GRIA2: variants seen among roughly 807,000 people sequenced by gnomAD.
GRIA2 encodes the protein glutamate receptor 2.
GRIA2 carries 14 observed loss-of-function variants against 97.3 expected under a neutral mutation model. That is an observed-to-expected ratio of 0.14 (90% confidence interval 0.10 to 0.23). The LOEUF (loss-of-function observed/expected upper bound fraction) is 0.23. Among genes scored for constraint, GRIA2 ranks in the 10% least tolerant of loss-of-function variants. The pLI is 1.00. For synonymous variants in GRIA2, 412 were observed against 387.8 expected (o/e 1.06, Z -0.73); for missense variants, 558 against 1,069.8 (o/e 0.52, Z 6.67).
chr4:157,286,047 T>A (rs1276682756), intron 2 of GRIA2, among the ~76,000 whole-genome samples: 1 of 151,534 alleles, frequency 6.6e-6, no homozygotes, highest in East Asian at 1.9e-4. Flanking sequence ...CAAGAATAGC[T>A]AAGCTATATT....
At chr4:157,360,362 A>T (rs1736579618) in intron 13 of GRIA2, among the ~76,000 whole-genome samples, 2 of 152,014 alleles carry the variant, frequency 1.3e-5, no homozygotes, top group African/African-American at 4.8e-5. Flanking sequence ...GTTTTAAAAC[A>T]TATCCTTTTT....
intron 6 of GRIA2, among the ~76,000 whole-genome samples, 172 bp downstream of exon 6, chr4:157,321,771 G>A (rs1324531130): frequency 6.6e-6 from 1 of 152,090 alleles, no homozygotes; most frequent in East Asian, 1.9e-4. Flanking sequence ...TTTAAGTAAA[G>A]CTATTAGAGC....
Position 157,336,567 on chromosome 4 carries a change from T to C in GRIA2, c.1664T>C (p.Ile555Thr). The C allele has an allele frequency of 1.9e-6, 3 of 1,612,976 alleles. No homozygotes were observed. Among genetic ancestry groups the C allele is most frequent in the Non-Finnish European group, 2.5e-6 (3 of 1,179,148 alleles). ...EIWMCIVFAY[I>T]GVSVVLFLVS... ...TGGATGTGCATTGTTTTTGCCTACA[T>C]TGGGGTCAGTGTAGTTTTATTCCTG... Residue 555 changes from isoleucine to threonine, a missense_variant, in exon 11 of 16, where the codon ATT becomes ACT. Around this residue, in one of 8 missense-constraint regions of GRIA2, gnomAD observed 125 missense variants for 310.2 expected, o/e 0.40. Coordinates refer to ENST00000264426, the MANE Select transcript of GRIA2 (RefSeq NM_001083619.3).
chr4:157,363,608 A>T lies in GRIA2; in HGVS notation c.*177A>T. ...TGACTGATCTCTCGTGATTGATAAGAACCTTTTGAGTGCCTTACACAATGG... is the reference window on the plus strand; with the variant it reads ...TGACTGATCTCTCGTGATTGATAAGTACCTTTTGAGTGCCTTACACAATGG... On this transcript the variant is annotated 3_prime_UTR_variant, in exon 16 of 16. Coordinates refer to ENST00000264426, the MANE Select transcript of GRIA2 (RefSeq NM_001083619.3). 1 of 1,229,666 alleles carries T rather than the reference A, an allele frequency of 8.1e-7. No individual in the cohort carries two copies. The allele number at this position is 1,229,666 out of a possible 1,614,324, so 76.2% of individuals were successfully genotyped here.
chr4:157,318,363 G>A (rs1212651569), intron 5 of GRIA2, among the ~76,000 whole-genome samples: 1 of 152,010 alleles, frequency 6.6e-6, no homozygotes, highest in African/African-American at 2.4e-5. Flanking sequence ...CTAGAATATT[G>A]AGATATTATG....
chr4:157,352,496 T>A (rs192866322), intron 12 of GRIA2, among the ~76,000 whole-genome samples: 1 of 151,836 alleles, frequency 6.6e-6, no homozygotes, highest in African/African-American at 2.4e-5. Context: ...GGCAGGTGGA[T>A]CACGAGGTCA....
At chr4:157,267,391 CAA>C (rs772189197) in intron 2 of GRIA2, among the ~76,000 whole-genome samples, 725 of 51,752 alleles carry the variant, frequency 0.014, 5 homozygotes, top group African/African-American at 0.045. Context: ...GACTCCATCT[CAA>C]AAAAAAAAAA....
chr4:157,242,911 C>T (rs1366275512), intron 2 of GRIA2, among the ~76,000 whole-genome samples: 1 of 152,082 alleles, frequency 6.6e-6, no homozygotes, highest in Non-Finnish European at 1.5e-5. Flanking sequence ...CTCAGTAAAG[C>T]ACATCACAGC....
intron 4 of GRIA2, among the ~76,000 whole-genome samples, chr4:157,315,575 G>A (rs571876992): frequency 1.3e-4 from 19 of 151,702 alleles, no homozygotes; most frequent in African/African-American, 2.4e-4. Flanking sequence ...ACAGATTCTC[G>A]CTCTGTCGCC....
chr4:157,292,983 CG>C (rs1478721334), intron 2 of GRIA2, among the ~76,000 whole-genome samples: 1 of 151,924 alleles, frequency 6.6e-6, no homozygotes, highest in Non-Finnish European at 1.5e-5. Flanking sequence ...AGTACAAAAA[CG>C]TAAGTTGCCA....
At position 157,226,134 on chromosome 4, in the gene GRIA2, A is replaced by T. The variant is rs371310711; in HGVS notation, c.229+4327A>T. ...ATAGTTATTAGTCTAGTTAAAGATG[A>T]TTTAATAGTTTTATATTTCAATTCC... On this transcript the variant is annotated intron_variant, in intron 2 of 15. Transcript: ENST00000264426. Among the ~76,000 whole-genome samples, 147 of 152,146 alleles carry T rather than the reference A, an allele frequency of 9.7e-4. 7 individuals carry two copies. In the East Asian group the frequency reaches 0.02, roughly 20 times the overall value.
chr4:157,272,939 T>G (rs1294631644), intron 2 of GRIA2, among the ~76,000 whole-genome samples: 1 of 151,974 alleles, frequency 6.6e-6, no homozygotes, highest in African/African-American at 2.4e-5. Flanking sequence ...TTTCCCCACA[T>G]CTTACCACCA....
Position 157,332,953 on chromosome 4 carries a change from A to T in GRIA2, c.1017A>T (p.Gly339=). 6.2e-7 allele frequency: 1 copy of T among 1,611,406 alleles called. No individual in the cohort carries two copies. Among genetic ancestry groups the T allele is most frequent in the Non-Finnish European group, 8.5e-7 (1 of 1,178,616 alleles). Residue 339 remains glycine (G), a synonymous_variant, in exon 7 of 16, where the codon GGA becomes GGT. Transcript: ENST00000264426. Reference sequence around the variant, plus strand: ...TGGCAAACCCAGCAGTGCCCTGGGGACAAGGTGTAGAAATAGAAAGGGCCC... The same window carrying T: ...TGGCAAACCCAGCAGTGCCCTGGGGTCAAGGTGTAGAAATAGAAAGGGCCC... ...DCLANPAVPW[G]QGVEIERALK... is the part of the protein sequence containing the mutation.
At chr4:157,325,089 G>C (rs1734746599) in intron 6 of GRIA2, among the ~76,000 whole-genome samples, 1 of 152,058 alleles carries the variant, frequency 6.6e-6, no homozygotes. Flanking sequence ...TCCATAGTTA[G>C]GGTTTAGGAA....
chr4:157,242,370 C>A (rs182482320), intron 2 of GRIA2, among the ~76,000 whole-genome samples: 2 of 152,032 alleles, frequency 1.3e-5, no homozygotes, highest in Non-Finnish European at 2.9e-5. Flanking sequence ...TTAGCTGTTA[C>A]CTTGTTGATA....
chr4:157,362,565 G>A (rs1246699984), intron 14 of GRIA2: 4 of 604,096 alleles, frequency 6.6e-6, no homozygotes, highest in East Asian at 3.3e-5. Flanking sequence ...ATAAATAGAA[G>A]TTTATTCCCT....
intron 6 of GRIA2, among the ~76,000 whole-genome samples, chr4:157,330,223 C>G (rs1579368987): frequency 6.6e-6 from 1 of 151,900 alleles, no homozygotes; most frequent in Non-Finnish European, 1.5e-5. Context: ...GGCAACAGAA[C>G]AGTAAATAAT....
chr4:157,290,500 G>A (rs1196384658), intron 2 of GRIA2, among the ~76,000 whole-genome samples: 1 of 132,614 alleles, frequency 7.5e-6, no homozygotes, highest in Non-Finnish European at 1.6e-5. Flanking sequence ...TTACATCACT[G>A]CTTTTTTTTT....
At chr4:157,345,885 A>C (rs565192520) in intron 12 of GRIA2, among the ~76,000 whole-genome samples, 1 of 152,316 alleles carries the variant, frequency 6.6e-6, no homozygotes, top group Non-Finnish European at 1.5e-5. Flanking sequence ...TTCTTGTTTA[A>C]TGCAGTTTGT....
Sources: allele counts gnomAD v4.1 joint callset (sites outside exome capture counted in the v4.1 genomes callset), GRCh38; gene constraint gnomAD v4.1.1; regional missense constraint gnomAD v4.1.1; transcripts MANE v1.5; gene names NCBI Gene and HGNC (gene_info 2026-07-23, HGNC 2026-07-21).